Variants in POSTN observed in about 807,000 individuals in gnomAD.
The protein encoded by POSTN is osteoblast specific factor 2 (fasciclin I-like).
Under a neutral mutation model 104.5 loss-of-function variants are expected in POSTN, and 71 were observed. The observed-to-expected ratio is 0.68, with a 90% CI of 0.56 to 0.83. POSTN has a LOEUF of 0.83. POSTN is among the 40% of genes least tolerant of loss of function. POSTN has a pLI of 0.00. For missense variants in POSTN, 949 were observed against 1,006.8 expected (o/e 0.94, Z 0.78); for synonymous variants, 355 against 340.7 (o/e 1.04, Z -0.46).
intron 1 of POSTN, 34 bp from the exon 2 acceptor site, chr13:37,597,316 T>A (rs940343040): frequency 9.3e-6 from 13 of 1,399,486 alleles, no homozygotes; most frequent in Non-Finnish European, 1.3e-5. Flanking sequence ...AAAGTTAATG[T>A]CCTAATAATG....
At position 37,577,745 on chromosome 13, in the gene POSTN, A is replaced by G; in HGVS notation, c.2008+8T>C. On this transcript the variant is annotated splice_region_variant and intron_variant, in intron 16 of 22. Transcript: ENST00000379747. ...CACCCAGGTGGCCAATATTTATTATATACTTACTATAGACAGTCACGGGGA... is the reference window on the plus strand; with the variant it reads ...CACCCAGGTGGCCAATATTTATTATGTACTTACTATAGACAGTCACGGGGA... 1 of 1,612,540 alleles carries G rather than the reference A, an allele frequency of 6.2e-7. No homozygotes were observed. Among genetic ancestry groups the G allele is most frequent in the South Asian group, 1.1e-5 (1 of 90,834 alleles).
At chr13:37,580,296 A>G (rs1480286654) in intron 11 of POSTN, among the ~76,000 whole-genome samples, 1 of 152,192 alleles carries the variant, frequency 6.6e-6, no homozygotes, top group Non-Finnish European at 1.5e-5. Context: ...TGCTATATAT[A>G]CCATCAATTT....
chr13:37,596,593 C>T (rs1027176944), intron 2 of POSTN, among the ~76,000 whole-genome samples: 8 of 152,070 alleles, frequency 5.3e-5, no homozygotes, highest in Non-Finnish European at 8.8e-5. Flanking sequence ...GATGAGCTTC[C>T]GTTATCACCT....
intron 22 of POSTN, among the ~76,000 whole-genome samples, chr13:37,564,210 A>ATATG (rs1950019964): frequency 7.8e-6 from 1 of 127,964 alleles, no homozygotes; most frequent in African/African-American, 3.3e-5. Context: ...ATATATATAT[A>ATATG]TATATATATA....
intron 21 of POSTN, 40 bp downstream of exon 21, chr13:37,569,260 A>G: frequency 6.8e-7 from 1 of 1,462,374 alleles, no homozygotes; most frequent in Non-Finnish European, 9.5e-7. Flanking sequence ...CTCAGTCACT[A>G]GAACCTGTTA....
At chr13:37,565,622 C>G (rs1950075375) in intron 21 of POSTN, 1 of 152,026 alleles carries the variant, frequency 6.6e-6, no homozygotes, top group Non-Finnish European at 1.5e-5. Flanking sequence ...TTTCTGTCTA[C>G]TTAGCACATT....
intron 9 of POSTN, 98 bp downstream of exon 9, chr13:37,583,871 A>C (rs1024907388): frequency 3.0e-5 from 42 of 1,422,782 alleles, no homozygotes; most frequent in African/African-American, 4.3e-5. Flanking sequence ...ACTAATCAAC[A>C]CCTCCTAAAA....
chr13:37,571,789 T>A (rs185866268), intron 17 of POSTN, among the ~76,000 whole-genome samples: 3 of 151,752 alleles, frequency 2.0e-5, no homozygotes, highest in African/African-American at 7.2e-5. Flanking sequence ...TCATGCAGTA[T>A]GTACACATTT....
At chr13:37,579,722 C>A in intron 12 of POSTN, 139 bp downstream of exon 12, 1 of 978,672 alleles carries the variant, frequency 1.0e-6, no homozygotes, top group Non-Finnish European at 1.5e-6. Context: ...CCCAAGTGGA[C>A]GAAATAAAAG....
intron 10 of POSTN, 110 bp from the exon 11 acceptor site, chr13:37,580,807 G>C (rs978993989): frequency 1.6e-5 from 21 of 1,333,300 alleles, no homozygotes; most frequent in Non-Finnish European, 2.1e-5. Context: ...GAGGTTGCCT[G>C]GTGTCTGAGG....
intron 20 of POSTN, 97 bp downstream of exon 20, chr13:37,569,647 G>T: frequency 1.0e-6 from 1 of 986,702 alleles, no homozygotes; most frequent in Non-Finnish European, 1.6e-6. Flanking sequence ...ATGAACAATA[G>T]ATTGAGATAG....
Position 37,598,625 on chromosome 13 carries a change from G to T in POSTN, c.102C>A (p.Ile34=). ...HYDKILAHSR[I]RGRDQGPNVC... is the part of the protein sequence containing the mutation. Reference sequence around the variant, plus strand: ...TCACTTACCCTTGGTCCCGACCCCTGATACGACTATGAGCCAAGATCTTGT... The same window carrying T: ...TCACTTACCCTTGGTCCCGACCCCTTATACGACTATGAGCCAAGATCTTGT... The change falls in exon 1 of 23, where the codon ATC becomes ATA. Residue 34 remains isoleucine (I), a synonymous_variant. Transcript: ENST00000379747. The T allele has an allele frequency of 6.2e-7, 1 of 1,612,712 alleles. No individual in the cohort carries two copies. The highest frequency in any genetic ancestry group is 1.7e-4 in the Middle Eastern group (1 of 6,056).
rs948207517 is a variant in POSTN, at chr13:37,569,192, T to C, written c.2431+108A>G. The C allele has an allele frequency of 6.9e-6, 5 of 725,414 alleles. No homozygotes were observed. In the Middle Eastern group the frequency reaches 8.5e-4, roughly 124 times the overall value. The allele number at this position is 725,414 out of a possible 1,614,324, so 44.9% of individuals were successfully genotyped here. A position where few individuals can be genotyped will look rare whatever the true frequency, so the allele number is the denominator to read the frequency against. On this transcript the variant is annotated intron_variant, in intron 21 of 22. Coordinates refer to ENST00000379747, the MANE Select transcript of POSTN (RefSeq NM_006475.3). ...TAAGACAACAGTGGATGTTGTCTTT[T>C]TTTTTTTTAACCCAATTAAAAGAAA...
chr13:37,563,466 T>G (rs748163941), intron 22 of POSTN, 96 bp from the exon 23 acceptor site: 14 of 605,798 alleles, frequency 2.3e-5, no homozygotes, highest in Non-Finnish European at 3.6e-5. Flanking sequence ...CAGAGGCCAT[T>G]ATTTTTTGTA....
intron 10 of POSTN, among the ~76,000 whole-genome samples, chr13:37,581,349 C>T (rs1950583604): frequency 6.6e-6 from 1 of 152,162 alleles, no homozygotes; most frequent in Non-Finnish European, 1.5e-5. Flanking sequence ...TACGTGTTAT[C>T]TGGACAAATA....
In POSTN at chr13:37,587,938, C is replaced by T. The variant is rs1555240688; in HGVS notation, c.490G>A (p.Ala164Thr). The T allele has an allele frequency of 6.2e-7, 1 of 1,603,428 alleles. No homozygotes were observed. ...TTATTAATCATGTGACTATGTAAAG[C>T]ATTCAGTAATTCAACATTCACGTTG... ...ESNVNVELLN[A>T]LHSHMINKRM... Residue 164 changes from alanine (A) to threonine (T), a missense_variant, in exon 5 of 23, where the codon GCT becomes ACT. Coordinates refer to ENST00000379747, the MANE Select transcript of POSTN (RefSeq NM_006475.3).
intron 11 of POSTN, among the ~76,000 whole-genome samples, 185 bp downstream of exon 11, chr13:37,580,376 A>T (rs901520228): frequency 3.3e-5 from 5 of 152,256 alleles, no homozygotes; most frequent in Non-Finnish European, 5.9e-5. Context: ...ATGAAATCAT[A>T]TAACGGTGTA....
Position 37,592,167 on chromosome 13 carries a change from G to A in POSTN, c.219-3C>T. 1 of 1,530,008 alleles carries A rather than the reference G, an allele frequency of 6.5e-7. No individual in the cohort carries two copies. The highest frequency in any genetic ancestry group is 8.9e-7 in the Non-Finnish European group (1 of 1,117,516). The allele number at this position is 1,530,008 out of a possible 1,614,324, so 94.8% of individuals were successfully genotyped here. On this transcript the variant is annotated splice_region_variant and splice_polypyrimidine_tract_variant and intron_variant, in intron 2 of 22. Transcript: ENST00000379747. ...GGCAACATTCATATAACACAGTCCT[G>A]TACATAGGAAGAAAATTAATATTAA...
chr13:37,565,051 CAAAGTAGCACTGACCTAATG>C, intron 21 of POSTN: 1 of 152,636 alleles, frequency 6.6e-6, no homozygotes, highest in East Asian at 1.9e-4. Context: ...TTGACGACAA[CAAAGTAGCACTGACCTAATG>C]ATTCTAGAAA....
Sources: gnomAD v4.1 joint callset for allele counts (sites outside exome capture counted in the v4.1 genomes callset) on GRCh38, gnomAD v4.1.1 for gene constraint, MANE v1.5 for transcripts, NCBI Gene and HGNC (gene_info 2026-07-23, HGNC 2026-07-21) for gene names.